The following TRDN variants were observed in gnomAD, a reference collection of about 807,000 sequenced individuals.
TRDN encodes the protein triadin in skeletal muscle.
TRDN carries 161 observed loss-of-function variants against 149.7 expected under a neutral mutation model. That is an observed-to-expected ratio of 1.08 (90% CI 0.95 to 1.23). TRDN has a LOEUF of 1.23. Ranked by LOEUF, TRDN falls within the 50% of genes most tolerant of loss-of-function variation. TRDN has a pLI of 0.00. For synonymous variants in TRDN, 294 were observed against 250.5 expected (o/e 1.17, Z -1.64); for missense variants, 896 against 823.5 (o/e 1.09, Z -1.08).
intron 38 of TRDN, among the ~76,000 whole-genome samples, chr6:123,234,050 A>G (rs1356696775): frequency 1.3e-5 from 2 of 152,106 alleles, no homozygotes; most frequent in Non-Finnish European, 2.9e-5. Context: ...AAATAAAGCT[A>G]TTGAAGCACA....
chr6:123,580,280 T>G (rs184876554), intron 1 of TRDN, among the ~76,000 whole-genome samples: 1 of 152,232 alleles, frequency 6.6e-6, no homozygotes, highest in African/African-American at 2.4e-5. Context: ...AACAGTAAAT[T>G]GAATTTAAAG....
At chr6:123,557,975 G>A (rs1384423801) in intron 2 of TRDN, among the ~76,000 whole-genome samples, 1 of 151,962 alleles carries the variant, frequency 6.6e-6, no homozygotes, top group East Asian at 1.9e-4. Context: ...ATTTTCTTCT[G>A]TACTGCCACT....
At chr6:123,381,569 C>T (rs1781721908) in intron 15 of TRDN, among the ~76,000 whole-genome samples, 179 bp from the exon 16 acceptor site, 1 of 151,804 alleles carries the variant, frequency 6.6e-6, no homozygotes, top group South Asian at 2.1e-4. Flanking sequence ...ACTGTAGGTG[C>T]TTCCATAATT....
chr6:123,459,507 C>T (rs1583068837), intron 10 of TRDN, among the ~76,000 whole-genome samples: 1 of 152,188 alleles, frequency 6.6e-6, no homozygotes, highest in Admixed American at 6.5e-5. Context: ...TTCTGGATGT[C>T]TAAACCATTC....
chr6:123,574,104 T>G (rs1477896783), intron 1 of TRDN, among the ~76,000 whole-genome samples: 1 of 152,008 alleles, frequency 6.6e-6, no homozygotes, highest in African/African-American at 2.4e-5. Flanking sequence ...TTTTTAGTTA[T>G]TTTTTAGATA....
intron 10 of TRDN, among the ~76,000 whole-genome samples, chr6:123,458,555 G>T (rs1449834296): frequency 6.6e-6 from 1 of 152,158 alleles, no homozygotes; most frequent in Non-Finnish European, 1.5e-5. Context: ...ATGCCCTGCA[G>T]ATTTTGGACT....
chr6:123,499,540 C>A, intron 8 of TRDN, among the ~76,000 whole-genome samples: 1 of 149,998 alleles, frequency 6.7e-6, no homozygotes, highest in East Asian at 2.0e-4. Flanking sequence ...CCCATCTCTA[C>A]TAAAACTACA....
intron 24 of TRDN, among the ~76,000 whole-genome samples, chr6:123,301,757 A>ATG (rs1778414541): frequency 1.3e-5 from 1 of 76,276 alleles, no homozygotes; most frequent in Admixed American, 1.8e-4. Context: ...ATATACATAT[A>ATG]TATATATATA....
At position 123,268,220 on chromosome 6, in the gene TRDN, T is replaced by A. The variant is rs558394508; in HGVS notation, c.1739-469A>T. 3.3e-5 allele frequency among the ~76,000 whole-genome samples: 5 copies of A among 152,138 alleles called. 1 individual carries two copies. The South Asian group carries it at 1.0e-3, about 32-fold the overall frequency. ...GAACACTAGTTTCTTATTGAAAATT[T>A]AAACTAAATCTGCTGTATTCCAGAG... On this transcript the variant is annotated intron_variant, in intron 31 of 40. Coordinates refer to ENST00000334268, the MANE Select transcript of TRDN (RefSeq NM_006073.4).
chr6:123,416,293 C>T (rs1311238489), intron 12 of TRDN, among the ~76,000 whole-genome samples: 2 of 151,916 alleles, frequency 1.3e-5, no homozygotes, highest in Non-Finnish European at 2.9e-5. Flanking sequence ...ATCCAGATCT[C>T]CACAACTCGG....
intron 7 of TRDN, among the ~76,000 whole-genome samples, chr6:123,506,682 T>C (rs1351527429): frequency 2.0e-5 from 3 of 152,106 alleles, no homozygotes; most frequent in African/African-American, 7.2e-5. Flanking sequence ...AGAGATGGGG[T>C]TTCACCATGT....
chr6:123,223,471 T>C (rs554294964), intron 39 of TRDN, among the ~76,000 whole-genome samples: 1 of 151,872 alleles, frequency 6.6e-6, no homozygotes, highest in East Asian at 2.0e-4. Context: ...ATAATGCCTA[T>C]TTTATAGCAG....
In TRDN at chr6:123,384,285, C is replaced by T. The variant is rs1035559966; in HGVS notation, c.1136-2138G>A. ...GGTATGAACTTGATAGTTCAATGTCCGTTTTAAGTTGTCAGTTAGTTTGAC... is the reference window on the plus strand; with the variant it reads ...GGTATGAACTTGATAGTTCAATGTCTGTTTTAAGTTGTCAGTTAGTTTGAC... On this transcript the variant is annotated intron_variant, in intron 14 of 40. Transcript: ENST00000334268. Among the ~76,000 whole-genome samples, 6 of 151,998 alleles carry T rather than the reference C, an allele frequency of 3.9e-5. 1 individual carries two copies. The highest frequency in any genetic ancestry group is 1.2e-4 in the African/African-American group (5 of 41,386).
intron 6 of TRDN, among the ~76,000 whole-genome samples, chr6:123,514,256 G>C (rs1241834113): frequency 1.3e-5 from 2 of 151,980 alleles, no homozygotes; most frequent in Admixed American, 1.3e-4. Flanking sequence ...TTCTCATGCT[G>C]AGGCATGAGA....
At chr6:123,528,011 C>A (rs1780035673) in intron 5 of TRDN, among the ~76,000 whole-genome samples, 1 of 151,850 alleles carries the variant, frequency 6.6e-6, no homozygotes, top group African/African-American at 2.4e-5. Context: ...AAGGCATATT[C>A]TTTAGCTCCA....
chr6:123,280,520 G>T (rs1777542933), intron 24 of TRDN, among the ~76,000 whole-genome samples: 1 of 152,014 alleles, frequency 6.6e-6, no homozygotes, highest in Non-Finnish European at 1.5e-5. Context: ...AATTTGGAAA[G>T]AATTGACACC....
chr6:123,344,145 C>A (rs1780166930), intron 21 of TRDN, among the ~76,000 whole-genome samples: 1 of 151,988 alleles, frequency 6.6e-6, no homozygotes, highest in Non-Finnish European at 1.5e-5. Flanking sequence ...ATAAGCCACC[C>A]AGTCAATGGC....
intron 12 of TRDN, among the ~76,000 whole-genome samples, chr6:123,399,445 A>T (rs540978776): frequency 6.6e-6 from 1 of 152,362 alleles, no homozygotes; most frequent in South Asian, 2.1e-4. Context: ...TATGTGCAAG[A>T]TACAGATCAT....
intron 4 of TRDN, among the ~76,000 whole-genome samples, chr6:123,545,637 A>G (rs1013451486): frequency 1.3e-5 from 2 of 151,950 alleles, no homozygotes; most frequent in African/African-American, 4.8e-5. Context: ...AATTCTGAGT[A>G]TGTAATCTTT....
Sources: allele counts gnomAD v4.1 joint callset (sites outside exome capture counted in the v4.1 genomes callset), GRCh38; gene constraint gnomAD v4.1.1; transcripts MANE v1.5; gene names NCBI Gene and HGNC (gene_info 2026-07-23, HGNC 2026-07-21).